ACACA: variants seen among roughly 807,000 people sequenced by gnomAD.
ACACA encodes acetyl-CoA carboxylase alpha.
ACACA carries 103 observed loss-of-function variants against 296.1 expected under a neutral mutation model. The observed-to-expected ratio is 0.35, with a 90% CI of 0.30 to 0.41. ACACA has a LOEUF of 0.41. ACACA is among the 10% of genes least tolerant of loss of function. ACACA has a pLI of 1.00. For synonymous variants in ACACA, 953 were observed against 1,038.6 expected, an observed-to-expected ratio of 0.92 and a Z score of 1.58; for missense variants, 1,554 against 2,989.7, an observed-to-expected ratio of 0.52 and a Z score of 11.20.
intron 1 of ACACA, among the ~76,000 whole-genome samples, chr17:37,344,635 A>G (rs978986367): frequency 1.3e-5 from 2 of 152,206 alleles, no homozygotes; most frequent in African/African-American, 4.8e-5. Context: ...GAAATTAAAA[A>G]GTCTGGGTAG....
chr17:37,261,363 A>T (rs1031739016), intron 11 of ACACA, among the ~76,000 whole-genome samples: 1 of 152,268 alleles, frequency 6.6e-6, no homozygotes, highest in Non-Finnish European at 1.5e-5. Context: ...AAAAGTTTCT[A>T]TATCTAGAAG....
chr17:37,318,310 T>A (rs1177785562), intron 3 of ACACA, among the ~76,000 whole-genome samples: 1 of 152,226 alleles, frequency 6.6e-6, no homozygotes, highest in Non-Finnish European at 1.5e-5. Flanking sequence ...TGGCGTGCTG[T>A]CAGCTCACTG....
intron 45 of ACACA, among the ~76,000 whole-genome samples, chr17:37,134,544 A>T (rs929409534): frequency 6.6e-6 from 1 of 152,244 alleles, no homozygotes; most frequent in Admixed American, 6.5e-5. Context: ...ACTTATAGGC[A>T]AATATTTGCA....
At chr17:37,265,784 C>A (rs926146615) in intron 10 of ACACA, among the ~76,000 whole-genome samples, 1 of 152,068 alleles carries the variant, frequency 6.6e-6, no homozygotes, top group Non-Finnish European at 1.5e-5. Context: ...CCATGGCATC[C>A]CCTGCTCCTA....
At chr17:37,294,299 A>G (rs2083222901) in intron 3 of ACACA, among the ~76,000 whole-genome samples, 1 of 152,246 alleles carries the variant, frequency 6.6e-6, no homozygotes, top group Non-Finnish European at 1.5e-5. Flanking sequence ...TTTTACTAAT[A>G]ATTTTAAAGC....
chr17:37,128,988 G>GT (rs2074961363), intron 47 of ACACA, among the ~76,000 whole-genome samples: 1 of 152,124 alleles, frequency 6.6e-6, no homozygotes, highest in African/African-American at 2.4e-5. Context: ...ATCTCTTTTG[G>GT]TTGTAGGGAT....
At chr17:37,301,852 G>T (rs765920127) in intron 3 of ACACA, among the ~76,000 whole-genome samples, 3 of 152,156 alleles carry the variant, frequency 2.0e-5, no homozygotes, top group Non-Finnish European at 4.4e-5. Context: ...AAAAAGAAAG[G>T]CTGCTGGAAA....
intron 3 of ACACA, among the ~76,000 whole-genome samples, chr17:37,295,384 G>A (rs2146790510): frequency 6.6e-6 from 1 of 152,314 alleles, no homozygotes; most frequent in Non-Finnish European, 1.5e-5. Flanking sequence ...GCCAAAATAT[G>A]TTACCAGTGG....
At chr17:37,181,466 A>T in intron 39 of ACACA, 110 bp from the exon 40 acceptor site, 1 of 1,223,688 alleles carries the variant, frequency 8.2e-7, no homozygotes, top group Non-Finnish European at 1.2e-6. Context: ...CATTTTTGGT[A>T]GGTTGAGTAG....
intron 16 of ACACA, among the ~76,000 whole-genome samples, 194 bp from the exon 17 acceptor site, chr17:37,248,868 T>C (rs1383483922): frequency 6.6e-6 from 1 of 152,190 alleles, no homozygotes; most frequent in Non-Finnish European, 1.5e-5. Context: ...TAGGGTAAAA[T>C]ACACATTACA....
At chr17:37,298,106 T>C (rs1358621521) in intron 3 of ACACA, among the ~76,000 whole-genome samples, 8 of 152,114 alleles carry the variant, frequency 5.3e-5, no homozygotes, top group Admixed American at 5.2e-4. Context: ...TACAGGCTCA[T>C]GCCACTGCAC....
chr17:37,343,210 T>C (rs759549500), intron 1 of ACACA, among the ~76,000 whole-genome samples: 1 of 151,918 alleles, frequency 6.6e-6, no homozygotes, highest in African/African-American at 2.4e-5. Context: ...ACTCCTGATA[T>C]CAGGTGATCC....
At chr17:37,400,903 T>A (rs1016391137) in intron 1 of ACACA, among the ~76,000 whole-genome samples, 1 of 152,242 alleles carries the variant, frequency 6.6e-6, no homozygotes, top group African/African-American at 2.4e-5. Context: ...CCTTTGGATA[T>A]ATACCCAGAA....
chr17:37,090,999 T>C (rs2142517177), intron 54 of ACACA, among the ~76,000 whole-genome samples: 1 of 152,234 alleles, frequency 6.6e-6, no homozygotes, highest in East Asian at 1.9e-4. Context: ...TATTTAATAC[T>C]CTTATTAATC....
chr17:37,299,621 G>C lies in ACACA; in HGVS notation c.339-14651C>G, dbSNP rs185459575. On this transcript the variant is annotated intron_variant, in intron 3 of 55. Transcript: ENST00000616317. ...AATTAGTTGATTTCCCAAGGGAACT[G>C]AGAGGAGCCGGGGAGAAATATAAAA... 409 of 1,200,764 alleles carry C rather than the reference G, an allele frequency of 3.4e-4. 1 individual carries two copies. The African/African-American group carries it at 5.9e-3, about 17-fold the overall frequency. The allele number at this position is 1,200,764 out of a possible 1,614,324, so 74.4% of individuals were successfully genotyped here.
chr17:37,375,440 T>C (rs936325789), intron 1 of ACACA, among the ~76,000 whole-genome samples: 1 of 151,936 alleles, frequency 6.6e-6, no homozygotes, highest in African/African-American at 2.4e-5. Flanking sequence ...TGAGCCGAGA[T>C]CGTGTCACTA....
chr17:37,107,922 C>G (rs1414206399), intron 52 of ACACA, among the ~76,000 whole-genome samples: 1 of 152,222 alleles, frequency 6.6e-6, no homozygotes, highest in Non-Finnish European at 1.5e-5. Context: ...CGCTCCACAG[C>G]CACTCTCCCT....
intron 11 of ACACA, 105 bp downstream of exon 11, chr17:37,263,580 T>A (rs1043888582): frequency 2.0e-6 from 2 of 985,170 alleles, no homozygotes; most frequent in Non-Finnish European, 3.2e-6. Context: ...TTATTAATTA[T>A]TCAGAATCGT....
chr17:37,148,972 T>C (rs1375860819), intron 45 of ACACA, among the ~76,000 whole-genome samples: 2 of 152,208 alleles, frequency 1.3e-5, no homozygotes, highest in Admixed American at 6.5e-5. Flanking sequence ...GTTATATAAG[T>C]TGCACAAGGG....
Sources: gnomAD v4.1 joint callset for allele counts (sites outside exome capture counted in the v4.1 genomes callset) on GRCh38, gnomAD v4.1.1 for gene constraint, MANE v1.5 for transcripts, NCBI Gene and HGNC (gene_info 2026-07-23, HGNC 2026-07-21) for gene names.